Variants in ENPEP observed in about 807,000 individuals in gnomAD.
The protein encoded by ENPEP is glutamyl aminopeptidase, also known as AP-A.
ENPEP carries 103 observed loss-of-function variants against 114.5 expected under a neutral mutation model. The ratio of observed to expected loss-of-function variants is 0.90; its 90% CI spans 0.77 to 1.06. The LOEUF is 1.06. Among genes scored for constraint, ENPEP ranks in the 50% least tolerant of loss-of-function variants. The pLI, the probability that ENPEP is intolerant of heterozygous loss-of-function variation, is 0.00. For missense variants in ENPEP, 1,196 were observed against 1,161.3 expected, an observed-to-expected ratio of 1.03 and a Z score of -0.43; for synonymous variants, 420 against 422.0, an observed-to-expected ratio of 1.00 and a Z score of 0.06.
intron 4 of ENPEP, among the ~76,000 whole-genome samples, chr4:110,508,583 G>A (rs950467426): frequency 1.3e-5 from 2 of 152,042 alleles, no homozygotes; most frequent in African/African-American, 2.4e-5. Context: ...AGGCCGAGGC[G>A]GGTGGATCAC....
intron 3 of ENPEP, among the ~76,000 whole-genome samples, chr4:110,503,522 C>A (rs1159226596): frequency 6.6e-6 from 1 of 152,162 alleles, no homozygotes; most frequent in Admixed American, 6.5e-5. Flanking sequence ...TCCTTCCTAT[C>A]CATATTCTGA....
chr4:110,516,375 A>G (rs1051917548), intron 8 of ENPEP, among the ~76,000 whole-genome samples: 1 of 152,188 alleles, frequency 6.6e-6, no homozygotes, highest in African/African-American at 2.4e-5. Context: ...CAAAGTAGCT[A>G]CAATGTGTCC....
At chr4:110,515,303 G>T (rs1324109932) in intron 7 of ENPEP, 74 bp from the exon 8 acceptor site, 1 of 1,201,494 alleles carries the variant, frequency 8.3e-7, no homozygotes, top group East Asian at 2.4e-5. Context: ...AATACTAGTT[G>T]CAAGAGTAAT....
Position 110,549,338 on chromosome 4 carries a change from T to G in ENPEP, c.2152-8T>G. The G allele has an allele frequency of 6.2e-7, 1 of 1,609,952 alleles. No individual in the cohort carries two copies. Among genetic ancestry groups the G allele is most frequent in the African/African-American group, 1.3e-5 (1 of 74,914 alleles). ...TGTTACTTATTGTACATAATACTTTTATTTCAGGAATACTTCCAAGGTCAA... is the reference window on the plus strand; with the variant it reads ...TGTTACTTATTGTACATAATACTTTGATTTCAGGAATACTTCCAAGGTCAA... On this transcript the variant is annotated splice_region_variant and splice_polypyrimidine_tract_variant and intron_variant, in intron 14 of 19. Transcript: ENST00000265162.
At chr4:110,515,947 C>T (rs2348432) in intron 8 of ENPEP, 300,652 of 344,380 alleles carry the variant, frequency 0.87, 131,853 homozygotes, top group African/African-American at 0.96. Flanking sequence ...ACTGGTTCCA[C>T]CATAAGAGTC....
rs543017271 is a variant in ENPEP, at chr4:110,539,638, T to C, written c.1808-3113T>C. 1.1e-3 allele frequency among the ~76,000 whole-genome samples: 173 copies of C among 152,228 alleles called. 2 individuals are homozygous for C. The highest frequency in any genetic ancestry group is 4.0e-3 in the African/African-American group (166 of 41,542). On this transcript the variant is annotated intron_variant, in intron 11 of 19. Coordinates refer to ENST00000265162, the MANE Select transcript of ENPEP (RefSeq NM_001977.4). ...AAACTGGTCTCAAGCAGTCCTCCTA[T>C]CTTGGCCTCCCAAAGTGCTGGGATT...
intron 5 of ENPEP, 104 bp downstream of exon 5, chr4:110,509,911 C>G (rs1240369579): frequency 7.2e-7 from 1 of 1,390,680 alleles, no homozygotes; most frequent in Non-Finnish European, 9.6e-7. Context: ...ATAGCCAACT[C>G]AGAAAAACTT....
chr4:110,496,447 A>G (rs896083536), intron 3 of ENPEP, among the ~76,000 whole-genome samples: 1 of 152,218 alleles, frequency 6.6e-6, no homozygotes, highest in African/African-American at 2.4e-5. Context: ...ATCTTATATA[A>G]CCATTTATCA....
chr4:110,557,004 C>T (rs1250415677), intron 18 of ENPEP, among the ~76,000 whole-genome samples: 3 of 151,826 alleles, frequency 2.0e-5, no homozygotes, highest in African/African-American at 4.8e-5. Flanking sequence ...CTTTATTATA[C>T]GTAAATTATT....
intron 1 of ENPEP, among the ~76,000 whole-genome samples, chr4:110,486,220 G>A (rs538107020): frequency 6.6e-6 from 1 of 152,110 alleles, no homozygotes; most frequent in African/African-American, 2.4e-5. Context: ...TGTTCAATGA[G>A]TTATTATCCC....
At chr4:110,488,768 C>T (rs1724597185) in intron 2 of ENPEP, 86 bp downstream of exon 2, 7 of 1,492,598 alleles carry the variant, frequency 4.7e-6, no homozygotes, top group Admixed American at 2.3e-5. Flanking sequence ...AAAGAGAACC[C>T]ATTGAATTCT....
chr4:110,496,581 A>C, intron 3 of ENPEP, among the ~76,000 whole-genome samples: 1 of 152,246 alleles, frequency 6.6e-6, no homozygotes, highest in East Asian at 1.9e-4. Flanking sequence ...AATAGATGAT[A>C]CATCTACATT....
In ENPEP at chr4:110,563,451, G is replaced by A. The variant is rs1372911321; in HGVS notation, c.*1893G>A. The A allele has an allele frequency of 6.6e-6, 1 of 152,108 alleles. No individual in the cohort carries two copies. The highest frequency in any genetic ancestry group is 2.4e-5 in the African/African-American group (1 of 41,442). The allele number at this position is 152,108 out of a possible 1,614,324, so 9.4% of individuals were successfully genotyped here. ...CACTCCACACGCGAAAGAGTTGTAT[G>A]TACTTTGTCAGAATAAGTCTTCTAG... On this transcript the variant is annotated 3_prime_UTR_variant, in exon 20 of 20. Coordinates refer to ENST00000265162, the MANE Select transcript of ENPEP (RefSeq NM_001977.4).
chr4:110,532,132 G>A (rs1726429591), intron 11 of ENPEP, among the ~76,000 whole-genome samples: 1 of 152,082 alleles, frequency 6.6e-6, no homozygotes, highest in Admixed American at 6.6e-5. Flanking sequence ...CAGCTTTACT[G>A]AGATATAATT....
chr4:110,518,724 G>T (rs1402453967), intron 8 of ENPEP, among the ~76,000 whole-genome samples: 1 of 152,116 alleles, frequency 6.6e-6, no homozygotes, highest in Admixed American at 6.6e-5. Context: ...ACCTCTGAAG[G>T]CACCCAGGTA....
chr4:110,506,214 CAGAGAA>C (rs60642314), intron 3 of ENPEP: 27,089 of 153,198 alleles, frequency 0.18, 2,776 homozygotes, highest in Middle Eastern at 0.31. Context: ...GAGACAGAGA[CAGAGAA>C]AGAGAAAGAG....
intron 16 of ENPEP, 26 bp downstream of exon 16, chr4:110,549,658 G>A (rs1727213531): frequency 1.2e-6 from 2 of 1,613,140 alleles, no homozygotes; most frequent in Non-Finnish European, 8.5e-7. Flanking sequence ...GTTATGCTTA[G>A]AAGACACATT....
chr4:110,495,936 C>T (rs1467253677), intron 3 of ENPEP, among the ~76,000 whole-genome samples: 1 of 152,128 alleles, frequency 6.6e-6, no homozygotes, highest in African/African-American at 2.4e-5. Context: ...GAGGGGGAAG[C>T]TGGGAGGAAT....
chr4:110,559,789 A>G (rs967800673), intron 19 of ENPEP, 64 bp downstream of exon 19: 2 of 1,351,794 alleles, frequency 1.5e-6, no homozygotes, highest in East Asian at 4.8e-5. Context: ...TTTAAAAAAA[A>G]TTTTACTTTA....
Sources: gnomAD v4.1 joint callset for allele counts (sites outside exome capture counted in the v4.1 genomes callset) on GRCh38, gnomAD v4.1.1 for gene constraint, MANE v1.5 for transcripts, NCBI Gene and HGNC (gene_info 2026-07-23, HGNC 2026-07-21) for gene names.